The following SMCO2 variants were observed in gnomAD, a reference collection of about 807,000 sequenced individuals.
SMCO2 encodes the protein single-pass membrane and coiled-coil domain-containing protein 2.
Under a neutral mutation model 29.5 loss-of-function variants are expected in SMCO2, and 25 were observed. The ratio of observed to expected loss-of-function variants is 0.85; its 90% CI spans 0.62 to 1.18. The LOEUF (loss-of-function observed/expected upper bound fraction) is 1.18. Among genes scored for constraint, SMCO2 ranks in the 50% most tolerant of loss-of-function variants. SMCO2 has a pLI of 0.00. For synonymous variants in SMCO2, 117 were observed against 123.3 expected, an observed-to-expected ratio of 0.95 and a Z score of 0.34; for missense variants, 348 against 344.5, an observed-to-expected ratio of 1.01 and a Z score of -0.08.
At chr12:27,433,918 T>A in the SMCO2 span, among the ~76,000 whole-genome samples, 14 of 152,164 alleles carry the variant, frequency 9.2e-5, no homozygotes, top group Admixed American at 6.5e-4. Flanking sequence ...TGCAAAACAT[T>A]TTTTGGAGAC....
upstream of SMCO2, among the ~76,000 whole-genome samples, chr12:27,462,877 G>A (rs1949469210): frequency 6.6e-6 from 1 of 152,206 alleles, no homozygotes; most frequent in Admixed American, 6.5e-5. Flanking sequence ...GGCCCTCGGC[G>A]AAGCCTTTTG....
chr12:27,497,732 C>CAAAA (rs544348765), intron 7 of SMCO2: 8,911 of 89,068 alleles, frequency 0.1, 446 homozygotes, highest in East Asian at 0.29. Context: ...GACCTGGTCT[C>CAAAA]AAAAAAAAAA....
At chr12:27,442,211 G>A in the SMCO2 span, among the ~76,000 whole-genome samples, 3 of 152,128 alleles carry the variant, frequency 2.0e-5, no homozygotes, top group Non-Finnish European at 2.9e-5. Context: ...ATAAAAATCA[G>A]AGCAGAAATA....
At chr12:27,434,546 A>G in the SMCO2 span, among the ~76,000 whole-genome samples, 2 of 152,232 alleles carry the variant, frequency 1.3e-5, no homozygotes, top group Non-Finnish European at 2.9e-5. Flanking sequence ...GAAGTTGTCT[A>G]TGTATCTTTA....
chr12:27,425,781 A>G, the SMCO2 span, among the ~76,000 whole-genome samples: 1 of 152,174 alleles, frequency 6.6e-6, no homozygotes, highest in East Asian at 1.9e-4. Context: ...CAGTATCTAC[A>G]CTAATTCTAG....
chr12:27,501,509 T>C (rs1382242906), intron 7 of SMCO2, among the ~76,000 whole-genome samples: 1 of 147,760 alleles, frequency 6.8e-6, no homozygotes, highest in Non-Finnish European at 1.5e-5. Flanking sequence ...GGACAAAAAC[T>C]AGGGGCAAAG....
At chr12:27,472,078 GC>G (rs1243674361) in intron 2 of SMCO2, among the ~76,000 whole-genome samples, 14 of 152,214 alleles carry the variant, frequency 9.2e-5, no homozygotes, top group Admixed American at 6.5e-4. Flanking sequence ...TTATTTTACA[GC>G]CCCACAATGG....
the SMCO2 span, among the ~76,000 whole-genome samples, chr12:27,432,299 C>CTT: frequency 6.6e-6 from 1 of 152,006 alleles, no homozygotes; most frequent in Non-Finnish European, 1.5e-5. Flanking sequence ...GCTTTTGTTG[C>CTT]TTGTGCTTTT....
At chr12:27,501,139 G>T (rs1205300960) in intron 7 of SMCO2, among the ~76,000 whole-genome samples, 3 of 150,352 alleles carry the variant, frequency 2.0e-5, no homozygotes, top group African/African-American at 7.5e-5. Context: ...TCTATTGGCC[G>T]GGCGCGGTGG....
chr12:27,460,019 T>C, the SMCO2 span, among the ~76,000 whole-genome samples: 3 of 152,252 alleles, frequency 2.0e-5, no homozygotes, highest in African/African-American at 7.2e-5. Flanking sequence ...CAAGTTCTCA[T>C]CTGCCTTGAA....
At chr12:27,475,664 A>G in intron 4 of SMCO2, 6 of 1,549,940 alleles carry the variant, frequency 3.9e-6, no homozygotes, top group South Asian at 1.2e-5. Flanking sequence ...AGCTGATTAC[A>G]TAGACGGAAC....
intron 1 of SMCO2, 62 bp from the exon 2 acceptor site, chr12:27,470,560 A>G (rs1949532644): frequency 6.6e-7 from 1 of 1,513,372 alleles, no homozygotes; most frequent in African/African-American, 1.4e-5. Context: ...GGTGTCAATG[A>G]AGAGGATGTG....
chr12:27,478,153 C>T (rs542952598), intron 4 of SMCO2, among the ~76,000 whole-genome samples: 110 of 152,216 alleles, frequency 7.2e-4, no homozygotes, highest in African/African-American at 2.5e-3. Context: ...CTAGTGTAGT[C>T]TCTACATGAT....
At chr12:27,492,234 A>G (rs1365093958) in intron 5 of SMCO2, among the ~76,000 whole-genome samples, 1 of 152,148 alleles carries the variant, frequency 6.6e-6, no homozygotes, top group Non-Finnish European at 1.5e-5. Flanking sequence ...TTTCTATGCT[A>G]GTAGATGTCG....
At chr12:27,460,088 TATGTAAC>T in the SMCO2 span, among the ~76,000 whole-genome samples, 24 of 152,240 alleles carry the variant, frequency 1.6e-4, no homozygotes, top group Non-Finnish European at 3.4e-4. Context: ...ATCTAAATCA[TATGTAAC>T]ATGTATTACC....
chr12:27,444,872 G>A, the SMCO2 span, among the ~76,000 whole-genome samples: 4 of 152,192 alleles, frequency 2.6e-5, no homozygotes, highest in South Asian at 8.3e-4. Context: ...ATATATCAAA[G>A]AGATAGCTGC....
intron 7 of SMCO2, chr12:27,497,377 AT>A: frequency 4.6e-6 from 1 of 215,784 alleles, no homozygotes. Flanking sequence ...ATGATAGATG[AT>A]TTGTGCAAGT....
chr12:27,472,378 C>T (rs1949548144), intron 2 of SMCO2, among the ~76,000 whole-genome samples: 1 of 152,098 alleles, frequency 6.6e-6, no homozygotes, highest in Non-Finnish European at 1.5e-5. Flanking sequence ...GGGTGGAGAT[C>T]AAGAGGGCAC....
intron 4 of SMCO2, among the ~76,000 whole-genome samples, chr12:27,483,242 A>C (rs513025): frequency 0.11 from 16,597 of 152,072 alleles, 2,062 homozygotes; most frequent in African/African-American, 0.28. Flanking sequence ...TGATCAATAG[A>C]GGAGTGTTGA....
Sources: gnomAD v4.1 joint callset for allele counts (sites outside exome capture counted in the v4.1 genomes callset) on GRCh38, gnomAD v4.1.1 for gene constraint, MANE v1.5 for transcripts, NCBI Gene and HGNC (gene_info 2026-07-23, HGNC 2026-07-21) for gene names.